Variants in AFG2A observed in about 807,000 individuals in gnomAD.
AFG2A encodes ATPase family gene 2 protein homolog A.
At chr4:123,273,517 A>AT in the AFG2A span, among the ~76,000 whole-genome samples, 2 of 152,154 alleles carry the variant, frequency 1.3e-5, no homozygotes, top group Non-Finnish European at 2.9e-5. Flanking sequence ...CTAATGGAAG[A>AT]TTTTTTAAAT....
At chr4:123,074,141 T>C in the AFG2A span, among the ~76,000 whole-genome samples, 1 of 147,018 alleles carries the variant, frequency 6.8e-6, no homozygotes, top group Admixed American at 7.0e-5. Context: ...TTGCCCAGGC[T>C]GGAGTGCAGT....
chr4:123,063,272 A>G, the AFG2A span, among the ~76,000 whole-genome samples: 10 of 152,222 alleles, frequency 6.6e-5, no homozygotes, highest in African/African-American at 2.2e-4. Flanking sequence ...AATTTTATGC[A>G]TTGTTAAACT....
the AFG2A span, among the ~76,000 whole-genome samples, chr4:122,952,541 G>A: frequency 6.6e-6 from 1 of 152,174 alleles, no homozygotes; most frequent in African/African-American, 2.4e-5. Context: ...ATCCATAATG[G>A]CAGACTCAAG....
At chr4:122,949,326 G>A in the AFG2A span, among the ~76,000 whole-genome samples, 1 of 152,160 alleles carries the variant, frequency 6.6e-6, no homozygotes, top group African/African-American at 2.4e-5. Flanking sequence ...TTACCAGGCG[G>A]AAAATATGCC....
chr4:123,147,105 T>TA, the AFG2A span, among the ~76,000 whole-genome samples: 3 of 152,238 alleles, frequency 2.0e-5, no homozygotes, highest in Non-Finnish European at 4.4e-5. Context: ...TCTGTTATCT[T>TA]ACTCTAACAC....
chr4:123,256,555 C>A, the AFG2A span: 1 of 344,788 alleles, frequency 2.9e-6, no homozygotes, highest in Non-Finnish European at 4.1e-6. Context: ...ATACTACTAC[C>A]TTCCCTCCTG....
At chr4:123,148,679 G>A in the AFG2A span, among the ~76,000 whole-genome samples, 6 of 151,588 alleles carry the variant, frequency 4.0e-5, no homozygotes, top group Non-Finnish European at 7.4e-5. Flanking sequence ...GGCCAACAAT[G>A]TTTCTTTGAT....
At chr4:123,292,106 A>G in the AFG2A span, among the ~76,000 whole-genome samples, 1 of 152,138 alleles carries the variant, frequency 6.6e-6, no homozygotes, top group Non-Finnish European at 1.5e-5. Context: ...TGGTTGATTC[A>G]AAAGCATTCT....
the AFG2A span, among the ~76,000 whole-genome samples, chr4:123,071,169 A>C: frequency 6.6e-6 from 1 of 152,138 alleles, no homozygotes; most frequent in Admixed American, 6.5e-5. Context: ...GGTAAATTGA[A>C]CTGTGAGTTT....
chr4:123,081,338 A>G, the AFG2A span, among the ~76,000 whole-genome samples: 1 of 152,194 alleles, frequency 6.6e-6, no homozygotes, highest in Non-Finnish European at 1.5e-5. Context: ...CCTCTTTTGG[A>G]ATATCCTATA....
the AFG2A span, among the ~76,000 whole-genome samples, chr4:122,982,369 A>G: frequency 6.6e-6 from 1 of 152,108 alleles, no homozygotes; most frequent in Admixed American, 6.5e-5. Context: ...ATGGTGTATG[A>G]TCCTTTTAAT....
the AFG2A span, among the ~76,000 whole-genome samples, chr4:123,061,285 T>A: frequency 1.3e-5 from 2 of 152,234 alleles, no homozygotes; most frequent in African/African-American, 4.8e-5. Flanking sequence ...CAGGTATCTT[T>A]ACAGCAGCAC....
the AFG2A span, among the ~76,000 whole-genome samples, chr4:123,224,042 C>T: frequency 6.6e-6 from 1 of 152,102 alleles, no homozygotes; most frequent in Non-Finnish European, 1.5e-5. Context: ...AGGAGTTTTA[C>T]AGCTTTAAGT....
chr4:123,181,447 A>C, the AFG2A span, among the ~76,000 whole-genome samples: 1 of 152,034 alleles, frequency 6.6e-6, no homozygotes, highest in Non-Finnish European at 1.5e-5. Context: ...CCCTGTTTCT[A>C]CAAAAAAATA....
the AFG2A span, among the ~76,000 whole-genome samples, chr4:123,175,992 A>G: frequency 6.6e-6 from 1 of 152,096 alleles, no homozygotes; most frequent in Non-Finnish European, 1.5e-5. Context: ...CTTGTATGAG[A>G]TGATATGGGG....
chr4:123,026,361 C>T, the AFG2A span, among the ~76,000 whole-genome samples: 1 of 152,080 alleles, frequency 6.6e-6, no homozygotes, highest in Admixed American at 6.6e-5. Context: ...AACAAAAGAT[C>T]AGATCCCTCC....
chr4:123,001,600 G>A, the AFG2A span, among the ~76,000 whole-genome samples: 1 of 151,712 alleles, frequency 6.6e-6, no homozygotes, highest in Non-Finnish European at 1.5e-5. Flanking sequence ...CAGTTTCCAT[G>A]TAGTTGAGCA....
the AFG2A span, among the ~76,000 whole-genome samples, chr4:123,089,884 G>A: frequency 2.6e-5 from 4 of 152,156 alleles, no homozygotes; most frequent in East Asian, 5.8e-4. Flanking sequence ...CGCCTGGCCC[G>A]AGTTTATTTC....
the AFG2A span, among the ~76,000 whole-genome samples, chr4:123,310,289 C>T: frequency 0.013 from 1,904 of 152,252 alleles, 43 homozygotes; most frequent in African/African-American, 0.044. Context: ...CATTGTGGCC[C>T]ACATGACTTT....
Sources: allele counts gnomAD v4.1 joint callset (sites outside exome capture counted in the v4.1 genomes callset), GRCh38; gene constraint gnomAD v4.1.1; transcripts MANE v1.5; gene names NCBI Gene and HGNC (gene_info 2026-07-23, HGNC 2026-07-21).